Variants in PGR observed in about 807,000 individuals in gnomAD.
PGR encodes nuclear receptor subfamily 3 group C member 3.
In PGR, 25 loss-of-function variants were observed where a neutral mutation model predicts 76.1. The observed-to-expected ratio is 0.33, with a 90% CI of 0.24 to 0.46. PGR has a LOEUF of 0.46. PGR is among the 20% of genes least tolerant of loss of function. The pLI, the probability that PGR is intolerant of heterozygous loss-of-function variation, is 1.00. For missense variants in PGR, 1,172 were observed against 1,225.3 expected (o/e 0.96, Z 0.65); for synonymous variants, 579 against 535.0 (o/e 1.08, Z -1.14).
chr11:101,090,097 T>C (rs983929552), intron 3 of PGR, among the ~76,000 whole-genome samples: 2 of 151,210 alleles, frequency 1.3e-5, no homozygotes, highest in South Asian at 4.2e-4. Flanking sequence ...ACTTGGGAGG[T>C]TGTGGCAGGA....
At chr11:101,104,010 T>C (rs1438002122) in intron 2 of PGR, among the ~76,000 whole-genome samples, 53 of 152,168 alleles carry the variant, frequency 3.5e-4, no homozygotes, top group Admixed American at 3.4e-3. Flanking sequence ...ATAATGTATA[T>C]AAAATCTATA....
At chr11:101,057,555 G>A (rs1182407562) in intron 4 of PGR, among the ~76,000 whole-genome samples, 1 of 152,052 alleles carries the variant, frequency 6.6e-6, no homozygotes, top group Non-Finnish European at 1.5e-5. Context: ...GGATCATTTG[G>A]GCACCACGTG....
rs556680655 is a variant in PGR, at chr11:101,057,751, G to A, written c.2212+4696C>T. Among the ~76,000 whole-genome samples, 41 of 152,242 alleles carry A rather than the reference G, an allele frequency of 2.7e-4. No individual in the cohort carries two copies. The South Asian group carries it at 8.5e-3, about 32-fold the overall frequency. On this transcript the variant is annotated intron_variant, in intron 4 of 7. Transcript: ENST00000325455. ...AGGGGTGAAGGAGAAACTGAGCCAAGGATGATACCAAAAATTCTTGCTGAG... is the reference window on the plus strand; with the variant it reads ...AGGGGTGAAGGAGAAACTGAGCCAAAGATGATACCAAAAATTCTTGCTGAG...
intron 4 of PGR, among the ~76,000 whole-genome samples, chr11:101,059,354 T>A (rs116598055): frequency 6.6e-6 from 1 of 152,028 alleles, no homozygotes; most frequent in Non-Finnish European, 1.5e-5. Context: ...AGTTCCTTAA[T>A]AGAGGGAATA....
intron 4 of PGR, among the ~76,000 whole-genome samples, chr11:101,059,842 C>CAAAAAAAAAAAAAAAAAAAAAAAA (rs781123527): frequency 9.6e-5 from 6 of 62,738 alleles, no homozygotes; most frequent in Non-Finnish European, 1.9e-4. Context: ...GACCCTCTCT[C>CAAAAAAAAAAAAAAAAAAAAAAAA]AAAAAAAAAA....
At chr11:101,120,710 T>C (rs1361419161) in intron 2 of PGR, among the ~76,000 whole-genome samples, 1 of 152,172 alleles carries the variant, frequency 6.6e-6, no homozygotes, top group Non-Finnish European at 1.5e-5. Flanking sequence ...GGTAGAGGTA[T>C]AGAAAGATGG....
rs139742045 is a variant in PGR at position 101,054,505 on chromosome 11, G to C, written c.2213-2937C>G. On this transcript the variant is annotated intron_variant, in intron 4 of 7. Coordinates refer to ENST00000325455, the MANE Select transcript of PGR (RefSeq NM_000926.4). The stretch of plus-strand genomic sequence containing the variant: ...AATATTTAAGAGACTATAAAAATGG[G>C]TAATTTTGTGATAAAATTTAGAATC... Among the ~76,000 whole-genome samples the C allele has an allele frequency of 1.8e-4, 27 of 152,234 alleles. No individual in the cohort carries two copies. The East Asian group carries it at 5.2e-3, about 29-fold the overall frequency.
intron 3 of PGR, among the ~76,000 whole-genome samples, chr11:101,085,904 A>T (rs979072408): frequency 6.6e-6 from 1 of 152,170 alleles, no homozygotes; most frequent in Non-Finnish European, 1.5e-5. Flanking sequence ...TCAGGAAAAA[A>T]CTAAAGCACT....
intron 2 of PGR, among the ~76,000 whole-genome samples, chr11:101,097,724 G>T (rs372931407): frequency 6.0e-5 from 9 of 149,494 alleles, no homozygotes; most frequent in African/African-American, 2.0e-4. Context: ...CCTTTTTATA[G>T]TAATAGACCA....
At chr11:101,104,390 T>A (rs190862778) in intron 2 of PGR, among the ~76,000 whole-genome samples, 2 of 152,312 alleles carry the variant, frequency 1.3e-5, no homozygotes, top group Admixed American at 1.3e-4. Flanking sequence ...AATCAAAATC[T>A]TAGTTTTTCC....
chr11:101,062,774 A>T (rs1490196460), intron 3 of PGR, 22 bp from the exon 4 acceptor site: 1 of 1,528,302 alleles, frequency 6.5e-7, no homozygotes, highest in East Asian at 2.3e-5. Context: ...AAAAAAAAGA[A>T]ATTCATGTAA....
At chr11:101,105,869 C>T (rs1247632768) in intron 2 of PGR, among the ~76,000 whole-genome samples, 2 of 152,064 alleles carry the variant, frequency 1.3e-5, no homozygotes, top group East Asian at 3.9e-4. Context: ...GGCACTGGTA[C>T]CAAAACGGAT....
intron 6 of PGR, among the ~76,000 whole-genome samples, chr11:101,044,463 C>T (rs757174419): frequency 2.6e-5 from 4 of 152,044 alleles, no homozygotes; most frequent in East Asian, 1.9e-4. Flanking sequence ...AGCAATAAGG[C>T]GGTTTTGCTT....
chr11:101,030,368 G>T lies in PGR; in HGVS notation c.*8748C>A. ...AAAACATTACATAGAAAATAAGTAT[G>T]TGATGATATCGTTAAAATACATGAT... On this transcript the variant is annotated 3_prime_UTR_variant, in exon 8 of 8. Transcript: ENST00000325455. 4.4e-6 allele frequency: 1 copy of T among 227,646 alleles called. No individual in the cohort carries two copies. The highest frequency in any genetic ancestry group is 5.7e-5 in the Admixed American group (1 of 17,620). The allele number at this position is 227,646 out of a possible 1,614,324, so 14.1% of individuals were successfully genotyped here.
At chr11:101,110,296 T>C (rs1862304969) in intron 2 of PGR, among the ~76,000 whole-genome samples, 1 of 152,230 alleles carries the variant, frequency 6.6e-6, no homozygotes, top group Admixed American at 6.5e-5. Context: ...TTAGAAAGCG[T>C]TCATCATTTT....
In PGR at chr11:101,128,438, C is replaced by T. The variant is rs1256538463; in HGVS notation, c.633G>A (p.Lys211=). Residue 211 remains lysine (K), a synonymous_variant, in exon 1 of 8, where the codon AAG becomes AAA. Coordinates refer to ENST00000325455, the MANE Select transcript of PGR (RefSeq NM_000926.4). ...CCACCGCAGCGGCCTGCGGAGACGG[C>T]TTCACTGGGGCCCCGGACCAGTGAG... ...ESPHWSGAPV[K]PSPQAAAVEV... is the part of the protein sequence containing the mutation. 4 of 1,610,454 alleles carry T rather than the reference C, an allele frequency of 2.5e-6. No homozygotes were observed. The highest frequency in any genetic ancestry group is 2.7e-5 in the African/African-American group (2 of 74,934).
chr11:101,129,227 G>T lies in PGR; in HGVS notation c.-157C>A, dbSNP rs946094755. The T allele has an allele frequency of 1.1e-4, 29 of 259,610 alleles. No homozygotes were observed. The highest frequency in any genetic ancestry group is 6.2e-4 in the African/African-American group (27 of 43,638). 16.1% of individuals were successfully genotyped at this position (259,610 alleles called of 1,614,324 possible). A position where few individuals can be genotyped will look rare whatever the true frequency, so the allele number is the denominator to read the frequency against. ...TCCACCTCCTGGGTCGGGGGCGGGG[G>T]AGGGCGGCGCTGGTCAGCTCCTGCC... On this transcript the variant is annotated 5_prime_UTR_variant, in exon 1 of 8. Coordinates refer to ENST00000325455, the MANE Select transcript of PGR (RefSeq NM_000926.4).
chr11:101,126,764 T>TA (rs902712197), intron 1 of PGR, among the ~76,000 whole-genome samples: 3 of 152,034 alleles, frequency 2.0e-5, no homozygotes, highest in African/African-American at 2.4e-5. Context: ...AACCTGTATA[T>TA]AAAAAAAATT....
At chr11:101,091,731 T>C (rs762703123) in intron 3 of PGR, 29 bp downstream of exon 3, 10 of 1,003,558 alleles carry the variant, frequency 1.0e-5, no homozygotes, top group Non-Finnish European at 1.4e-5. Context: ...GATTACACAG[T>C]ATATTATTGA....
Sources: allele counts gnomAD v4.1 joint callset (sites outside exome capture counted in the v4.1 genomes callset), GRCh38; gene constraint gnomAD v4.1.1; transcripts MANE v1.5; gene names NCBI Gene and HGNC (gene_info 2026-07-23, HGNC 2026-07-21).